QRICH1: variants seen among roughly 807,000 people sequenced by gnomAD.
The protein encoded by QRICH1 is transcriptional regulator QRICH1.
Under a neutral mutation model 87.1 loss-of-function variants are expected in QRICH1, and 16 were observed. That is an observed-to-expected ratio of 0.18 (90% CI 0.12 to 0.28). QRICH1 has a LOEUF of 0.28. Ranked by LOEUF, QRICH1 falls within the 10% of genes least tolerant of loss-of-function variation. QRICH1 has a pLI of 1.00. For synonymous variants in QRICH1, 367 were observed against 368.4 expected (o/e 1.00, Z 0.05); for missense variants, 647 against 951.7 (o/e 0.68, Z 4.21).
At chr3:49,085,167 T>C (rs1272474420) in intron 1 of QRICH1, among the ~76,000 whole-genome samples, 1 of 152,158 alleles carries the variant, frequency 6.6e-6, no homozygotes, top group Non-Finnish European at 1.5e-5. Context: ...CATCTTTTTC[T>C]ACACAGTGGC....
intron 1 of QRICH1, among the ~76,000 whole-genome samples, chr3:49,090,458 CA>C (rs11425427): frequency 1.1e-3 from 106 of 96,102 alleles, no homozygotes; most frequent in African/African-American, 2.2e-3. Context: ...GACTACGTCT[CA>C]AAAAAAAAAA....
chr3:49,079,420 TTATAA>T (rs1431784206), intron 1 of QRICH1, among the ~76,000 whole-genome samples: 1 of 147,898 alleles, frequency 6.8e-6, no homozygotes, highest in Non-Finnish European at 1.5e-5. Flanking sequence ...AAATAAATAA[TTATAA>T]TAAAATATTA....
intron 2 of QRICH1, among the ~76,000 whole-genome samples, chr3:49,058,301 G>A (rs937668802): frequency 4.6e-5 from 7 of 151,146 alleles, no homozygotes; most frequent in Non-Finnish European, 7.4e-5. Context: ...CAGACATGCT[G>A]GAGTCTAACA....
rs58022360 is a variant in QRICH1 at position 49,087,818 on chromosome 3, C to CAAAAAAAAAAAAAAAAAAAAAAAAA, written c.-22+6093_-22+6094insTTTTTTTTTTTTTTTTTTTTTTTTT. Among the ~76,000 whole-genome samples the CAAAAAAAAAAAAAAAAAAAAAAAAA allele has an allele frequency of 1.5e-4, 7 of 47,680 alleles. 2 individuals carry two copies. The highest frequency in any genetic ancestry group is 5.2e-4 in the African/African-American group (6 of 11,508). The allele number at this position is 47,680 out of a possible 152,430, so 31.3% of individuals were successfully genotyped here. ...GAACTCAGGAGGCGGAGGTTCATCT[C>CAAAAAAAAAAAAAAAAAAAAAAAAA]AAAAAAAAAAAAAAAAAAAAAGAAC... On this transcript the variant is annotated intron_variant, in intron 1 of 9. Coordinates refer to ENST00000395443, the MANE Select transcript of QRICH1 (RefSeq NM_198880.3).
At chr3:49,067,519 G>A (rs955717812) in intron 2 of QRICH1, among the ~76,000 whole-genome samples, 2 of 151,442 alleles carry the variant, frequency 1.3e-5, no homozygotes, top group African/African-American at 4.9e-5. Flanking sequence ...AGTGAGCCGA[G>A]ATAGCACCAC....
intron 1 of QRICH1, among the ~76,000 whole-genome samples, chr3:49,081,416 TAA>T (rs771412819): frequency 1.2e-4 from 16 of 135,174 alleles, no homozygotes; most frequent in Admixed American, 1.5e-4. Context: ...GACTCCATCT[TAA>T]AAAAAAAAAA....
rs1187273213 is a variant in QRICH1 at position 49,057,150 on chromosome 3, T to C, written c.1050A>G (p.Ala350=). ...CCTTGTCATCCTCCAGCTTAACAGC[T>C]GCCAGGGCTGTGGGTGAGCCACTGA... The part of the protein sequence containing the change: ...VHVSGSPTAL[A]AVKLEDDKEK... The change falls in exon 3 of 10, where the codon GCA becomes GCG. Residue 350 remains alanine, a synonymous_variant. Coordinates refer to ENST00000395443, the MANE Select transcript of QRICH1 (RefSeq NM_198880.3). This position sits in a 1 kb window ranked among gnomAD's most constrained non-coding sequence, Gnocchi z 5.4. 1 of 1,614,106 alleles carries C rather than the reference T, an allele frequency of 6.2e-7. No homozygotes were observed. The highest frequency in any genetic ancestry group is 8.5e-7 in the Non-Finnish European group (1 of 1,180,042).
chr3:49,060,028 G>C (rs1217929303), intron 2 of QRICH1, among the ~76,000 whole-genome samples: 1 of 151,788 alleles, frequency 6.6e-6, no homozygotes, highest in Non-Finnish European at 1.5e-5. Flanking sequence ...GGGACTACAG[G>C]TGCGTGCCAC....
At chr3:49,052,877 A>G (rs1281291292) in intron 3 of QRICH1, among the ~76,000 whole-genome samples, 2 of 152,202 alleles carry the variant, frequency 1.3e-5, no homozygotes, top group African/African-American at 4.8e-5. Context: ...TCATCTGTAA[A>G]ACAGAAGTAT....
At chr3:49,082,276 T>C (rs377276810) in intron 1 of QRICH1, among the ~76,000 whole-genome samples, 2 of 152,310 alleles carry the variant, frequency 1.3e-5, no homozygotes, top group East Asian at 3.9e-4. Flanking sequence ...GCTAAGTGAA[T>C]ATAACTTCTA....
chr3:49,079,080 T>G (rs919147633), intron 1 of QRICH1, among the ~76,000 whole-genome samples: 1 of 151,674 alleles, frequency 6.6e-6, no homozygotes, highest in Non-Finnish European at 1.5e-5. Context: ...AAAAAATATA[T>G]AAAAATTAAC....
chr3:49,069,051 T>G (rs942926441), intron 2 of QRICH1, among the ~76,000 whole-genome samples: 10 of 151,758 alleles, frequency 6.6e-5, no homozygotes, highest in Non-Finnish European at 1.0e-4. Context: ...TTAGAACTAC[T>G]TGAATAAGGC....
At chr3:49,082,971 C>A (rs1205184300) in intron 1 of QRICH1, among the ~76,000 whole-genome samples, 1 of 150,450 alleles carries the variant, frequency 6.6e-6, no homozygotes, top group African/African-American at 2.4e-5. Flanking sequence ...CTTTGGGGGG[C>A]CAAGGAAGGT....
chr3:49,047,025 C>A, intron 4 of QRICH1, 44 bp downstream of exon 4: 1 of 1,581,028 alleles, frequency 6.3e-7, no homozygotes, highest in South Asian at 1.1e-5. Context: ...ACTTTAGTAC[C>A]ATTGCATTTT....
chr3:49,073,305 C>T (rs1453954788), intron 2 of QRICH1, among the ~76,000 whole-genome samples: 1 of 152,132 alleles, frequency 6.6e-6, no homozygotes, highest in Non-Finnish European at 1.5e-5. Flanking sequence ...ACTTTGGAGG[C>T]CAAGGCCGGT....
At chr3:49,064,201 G>C (rs1270086493) in intron 2 of QRICH1, among the ~76,000 whole-genome samples, 2 of 150,266 alleles carry the variant, frequency 1.3e-5, no homozygotes, top group Non-Finnish European at 3.0e-5. Context: ...AAAGTGCTGG[G>C]ATTATAGGCG....
chr3:49,079,462 T>C (rs577509430), intron 1 of QRICH1, among the ~76,000 whole-genome samples: 1 of 147,996 alleles, frequency 6.8e-6, no homozygotes, highest in South Asian at 2.1e-4. Flanking sequence ...GTAATATAAA[T>C]ATAATTTTTA....
intron 3 of QRICH1, among the ~76,000 whole-genome samples, chr3:49,050,358 G>A (rs1439804215): frequency 1.4e-5 from 2 of 146,644 alleles, no homozygotes; most frequent in Admixed American, 1.4e-4. Context: ...GGGAGGCAGA[G>A]GTTGCAGTGA....
chr3:49,088,291 T>C (rs1198364755), intron 1 of QRICH1, among the ~76,000 whole-genome samples: 1 of 151,848 alleles, frequency 6.6e-6, no homozygotes, highest in African/African-American at 2.4e-5. Flanking sequence ...TGGGTTTTGT[T>C]TCTTTGTATT....
Sources: allele counts gnomAD v4.1 joint callset (sites outside exome capture counted in the v4.1 genomes callset), GRCh38; gene constraint gnomAD v4.1.1; non-coding constraint Gnocchi (gnomAD v3.1); transcripts MANE v1.5; gene names NCBI Gene and HGNC (gene_info 2026-07-23, HGNC 2026-07-21).